ZNF804A: variants seen among roughly 807,000 people sequenced by gnomAD.
The protein encoded by ZNF804A is zinc finger protein 804A.
ZNF804A carries 2 observed loss-of-function variants against 16.5 expected under a neutral mutation model. The ratio of observed to expected loss-of-function variants is 0.12; its 90% CI spans 0.05 to 0.38. ZNF804A has a LOEUF of 0.38. Ranked by LOEUF, ZNF804A falls within the 10% of genes least tolerant of loss-of-function variation. The pLI, the probability that ZNF804A is intolerant of heterozygous loss-of-function variation, is 0.99. For missense variants in ZNF804A, 1,473 were observed against 1,390.7 expected (o/e 1.06, Z -0.94); for synonymous variants, 534 against 489.6 (o/e 1.09, Z -1.20).
chr2:184,880,218 A>C (rs942309853), intron 2 of ZNF804A, among the ~76,000 whole-genome samples: 3 of 152,194 alleles, frequency 2.0e-5, no homozygotes, highest in African/African-American at 7.2e-5. Context: ...AGGAATGTTA[A>C]ATTATTTAAG....
At chr2:184,775,807 A>C (rs911923493) in intron 1 of ZNF804A, among the ~76,000 whole-genome samples, 10 of 151,672 alleles carry the variant, frequency 6.6e-5, no homozygotes, top group South Asian at 2.1e-4. Context: ...ATTACCAAAA[A>C]TGAAGATGGC....
chr2:184,702,398 G>A (rs1367572711), intron 1 of ZNF804A, among the ~76,000 whole-genome samples: 1 of 151,988 alleles, frequency 6.6e-6, no homozygotes, highest in Non-Finnish European at 1.5e-5. Context: ...GTCATCCTTT[G>A]GCTTACGATT....
chr2:184,877,251 G>C (rs1186138616), intron 2 of ZNF804A, among the ~76,000 whole-genome samples: 1 of 151,982 alleles, frequency 6.6e-6, no homozygotes, highest in Non-Finnish European at 1.5e-5. Context: ...TGGGGAAATA[G>C]TTTGTGAATT....
chr2:184,655,340 A>G (rs1035955551), intron 1 of ZNF804A, among the ~76,000 whole-genome samples: 3 of 152,158 alleles, frequency 2.0e-5, no homozygotes, highest in African/African-American at 7.2e-5. Flanking sequence ...AACACTGTCA[A>G]GTTGCAAAGG....
chr2:184,891,329 C>T (rs377194368), intron 2 of ZNF804A, among the ~76,000 whole-genome samples: 1 of 152,092 alleles, frequency 6.6e-6, no homozygotes, highest in Non-Finnish European at 1.5e-5. Context: ...TGGTTTTACT[C>T]CTGGCATCTG....
At chr2:184,666,347 C>A (rs1692255744) in intron 1 of ZNF804A, among the ~76,000 whole-genome samples, 1 of 151,880 alleles carries the variant, frequency 6.6e-6, no homozygotes, top group Admixed American at 6.6e-5. Flanking sequence ...ATTTCAAAGC[C>A]TATGCAGAAA....
intron 2 of ZNF804A, among the ~76,000 whole-genome samples, chr2:184,918,338 G>C (rs1695883471): frequency 6.6e-6 from 1 of 152,112 alleles, no homozygotes; most frequent in African/African-American, 2.4e-5. Context: ...CCTTCCTTTG[G>C]AACTAAGACT....
At chr2:184,828,210 C>T (rs1341104399) in intron 1 of ZNF804A, among the ~76,000 whole-genome samples, 1 of 151,618 alleles carries the variant, frequency 6.6e-6, no homozygotes, top group East Asian at 1.9e-4. Flanking sequence ...AGGAAACTTA[C>T]AGAGGTTAAG....
At chr2:184,870,771 C>T (rs974081412) in intron 2 of ZNF804A, among the ~76,000 whole-genome samples, 1 of 151,854 alleles carries the variant, frequency 6.6e-6, no homozygotes, top group African/African-American at 2.4e-5. Context: ...TGGATTTAAA[C>T]TTAGATAAAA....
chr2:184,910,048 C>T (rs1685332361), intron 2 of ZNF804A, among the ~76,000 whole-genome samples: 1 of 151,702 alleles, frequency 6.6e-6, no homozygotes, highest in South Asian at 2.1e-4. Flanking sequence ...AGATTTGTTA[C>T]ATGTATATAT....
At chr2:184,786,818 T>A (rs1204311216) in intron 1 of ZNF804A, among the ~76,000 whole-genome samples, 1 of 152,014 alleles carries the variant, frequency 6.6e-6, no homozygotes, top group Non-Finnish European at 1.5e-5. Flanking sequence ...CTAATGTATT[T>A]CTTTAGATTA....
At chr2:184,829,917 A>AG (rs1322929277) in intron 1 of ZNF804A, among the ~76,000 whole-genome samples, 1 of 106,358 alleles carries the variant, frequency 9.4e-6, no homozygotes, top group Non-Finnish European at 1.8e-5. Flanking sequence ...AAAAAAAAAA[A>AG]AAAAACAAAA....
chr2:184,853,697 T>C (rs540942018), intron 1 of ZNF804A, among the ~76,000 whole-genome samples: 1 of 151,954 alleles, frequency 6.6e-6, no homozygotes, highest in East Asian at 1.9e-4. Flanking sequence ...GTGTCATATT[T>C]ATAGATTTTT....
chr2:184,871,588 A>C (rs1335419130), intron 2 of ZNF804A, among the ~76,000 whole-genome samples: 1 of 151,926 alleles, frequency 6.6e-6, no homozygotes, highest in Non-Finnish European at 1.5e-5. Context: ...GGATTCATTA[A>C]ATACAGAATA....
At position 184,938,757 on chromosome 2, in the gene ZNF804A, A is replaced by G; in HGVS notation, c.3361A>G (p.Thr1121Ala). The G allele has an allele frequency of 6.2e-7, 1 of 1,612,790 alleles. No individual in the cohort carries two copies. The highest frequency in any genetic ancestry group is 8.5e-7 in the Non-Finnish European group (1 of 1,179,500). Residue 1121 changes from threonine to alanine, a missense_variant, in exon 4 of 4, where the codon ACC becomes GCC. Physicochemically the swap from Thr to Ala is moderately conservative, Grantham distance 58. Coordinates refer to ENST00000302277, the MANE Select transcript of ZNF804A (RefSeq NM_194250.2). ...AAAAAAAAAG[T>A]FKVLQPHQQF... Reference sequence around the variant, plus strand: ...TGCAGCTGCAGCCGCAGCTGCAGGAACCTTTAAAGTGCTTCAGCCACACCA... The same window carrying G: ...TGCAGCTGCAGCCGCAGCTGCAGGAGCCTTTAAAGTGCTTCAGCCACACCA...
At chr2:184,704,596 GT>G (rs1255906195) in intron 1 of ZNF804A, among the ~76,000 whole-genome samples, 1 of 152,140 alleles carries the variant, frequency 6.6e-6, no homozygotes, top group African/African-American at 2.4e-5. Flanking sequence ...AGAGTCCTAG[GT>G]TTTTGAAATC....
intron 1 of ZNF804A, among the ~76,000 whole-genome samples, chr2:184,704,631 G>A (rs1265658490): frequency 4.6e-5 from 7 of 152,152 alleles, no homozygotes; most frequent in African/African-American, 1.7e-4. Flanking sequence ...AGAGTTAAGA[G>A]GTTTGAACTT....
rs552229748 is a variant in ZNF804A at position 184,713,168 on chromosome 2, G to T, written c.111+114098G>T. Among the ~76,000 whole-genome samples, 5 of 151,688 alleles carry T rather than the reference G, an allele frequency of 3.3e-5. No individual in the cohort carries two copies. The South Asian group carries it at 1.0e-3, about 31-fold the overall frequency. On this transcript the variant is annotated intron_variant, in intron 1 of 3. Coordinates refer to ENST00000302277, the MANE Select transcript of ZNF804A (RefSeq NM_194250.2). The stretch of plus-strand genomic sequence containing the variant: ...TTACAGACTGGCTTCAATAGTAAAG[G>T]ACCTTAACCAATCAGCCAAGTTAGA...
intron 1 of ZNF804A, among the ~76,000 whole-genome samples, chr2:184,643,505 AC>A (rs1418086043): frequency 1.3e-5 from 2 of 151,978 alleles, no homozygotes; most frequent in Non-Finnish European, 2.9e-5. Context: ...CTTACAGTAT[AC>A]CTATAACTCA....
Sources: allele counts gnomAD v4.1 joint callset (sites outside exome capture counted in the v4.1 genomes callset), GRCh38; gene constraint gnomAD v4.1.1; transcripts MANE v1.5; gene names NCBI Gene and HGNC (gene_info 2026-07-23, HGNC 2026-07-21).